Variants in DOCK3 observed in about 807,000 individuals in gnomAD.
The protein encoded by DOCK3 is dedicator of cytokinesis 3.
A neutral mutation model predicts 265.6 loss-of-function variants in DOCK3; 60 were observed. That is an observed-to-expected ratio of 0.23 (90% confidence interval 0.18 to 0.28). The LOEUF is 0.28. Among genes scored for constraint, DOCK3 ranks in the 10% least tolerant of loss-of-function variants. The probability of loss-of-function intolerance (pLI) is 1.00; values close to 1 mark genes in which losing one functional copy is unlikely to be tolerated. For missense variants in DOCK3, 1,981 were observed against 2,594.3 expected (o/e 0.76, Z 5.14); for synonymous variants, 881 against 938.0 (o/e 0.94, Z 1.11).
At chr3:51,243,000 C>T (rs1449124627) in intron 21 of DOCK3, among the ~76,000 whole-genome samples, 1 of 152,118 alleles carries the variant, frequency 6.6e-6, no homozygotes, top group African/African-American at 2.4e-5. Context: ...CATGGGGCCC[C>T]CAGGTCACCT....
At chr3:50,716,812 T>C (rs976459648) in intron 1 of DOCK3, among the ~76,000 whole-genome samples, 1 of 152,110 alleles carries the variant, frequency 6.6e-6, no homozygotes, top group African/African-American at 2.4e-5. Context: ...TTTGCATAAC[T>C]AATAGAGGCT....
chr3:51,004,454 C>G (rs768371682), intron 5 of DOCK3, among the ~76,000 whole-genome samples: 4 of 152,014 alleles, frequency 2.6e-5, no homozygotes, highest in Non-Finnish European at 4.4e-5. Flanking sequence ...TTTCCAGGCT[C>G]TAAGTTGTAG....
intron 1 of DOCK3, among the ~76,000 whole-genome samples, chr3:50,741,953 T>A (rs2039065902): frequency 6.6e-6 from 1 of 152,220 alleles, no homozygotes; most frequent in Non-Finnish European, 1.5e-5. Flanking sequence ...CCTGACTTTT[T>A]AATGATTGCC....
At chr3:51,105,899 T>A (rs1433452716) in intron 9 of DOCK3, among the ~76,000 whole-genome samples, 1 of 151,960 alleles carries the variant, frequency 6.6e-6, no homozygotes, top group Non-Finnish European at 1.5e-5. Context: ...AGGGGGTGAG[T>A]TGAACAGACA....
At chr3:51,007,666 T>TAAAA in intron 5 of DOCK3, among the ~76,000 whole-genome samples, 1 of 152,286 alleles carries the variant, frequency 6.6e-6, no homozygotes, top group South Asian at 2.1e-4. Flanking sequence ...TGCCATTGCT[T>TAAAA]TTGGTGTTTT....
At chr3:51,249,256 C>T (rs1487992782) in intron 22 of DOCK3, among the ~76,000 whole-genome samples, 1 of 138,718 alleles carries the variant, frequency 7.2e-6, no homozygotes. Flanking sequence ...AGGGGCGCCT[C>T]TGCCCGGCCG....
chr3:51,260,800 G>A (rs2079808220), intron 23 of DOCK3, among the ~76,000 whole-genome samples: 2 of 152,068 alleles, frequency 1.3e-5, no homozygotes, highest in South Asian at 2.1e-4. Context: ...TGGGCAACAT[G>A]ATGAAACCCC....
At chr3:51,346,374 G>A (rs1276729742) in intron 38 of DOCK3, among the ~76,000 whole-genome samples, 1 of 150,800 alleles carries the variant, frequency 6.6e-6, no homozygotes, top group Non-Finnish European at 1.5e-5. Context: ...CCACCTATGA[G>A]TGAGAACATG....
In DOCK3 at chr3:51,361,740, A is replaced by G; in HGVS notation, c.5007-119A>G. 7.3e-7 allele frequency: 1 copy of G among 1,360,940 alleles called. No individual in the cohort carries two copies. Among genetic ancestry groups the G allele is most frequent in the Non-Finnish European group, 9.9e-7 (1 of 1,005,346 alleles). The allele number at this position is 1,360,940 out of a possible 1,614,324, so 84.3% of individuals were successfully genotyped here. A position where few individuals can be genotyped will look rare whatever the true frequency, so the allele number is the denominator to read the frequency against. On this transcript the variant is annotated intron_variant, in intron 47 of 52. Transcript: ENST00000266037. This position sits in a 1 kb window ranked among gnomAD's most constrained non-coding sequence, Gnocchi z 4.2. Reference sequence around the variant, plus strand: ...AGATGGGTATGAGCATTGACTATGGAACCCTCCAAACCGGTGGTAGCTGAA... The same window carrying G: ...AGATGGGTATGAGCATTGACTATGGGACCCTCCAAACCGGTGGTAGCTGAA...
At chr3:51,076,864 C>T (rs1311387268) in intron 7 of DOCK3, among the ~76,000 whole-genome samples, 2 of 152,154 alleles carry the variant, frequency 1.3e-5, no homozygotes. Flanking sequence ...AACTATAAGA[C>T]ATTTCATAAC....
chr3:51,263,236 A>G (rs922899596), intron 23 of DOCK3, among the ~76,000 whole-genome samples: 3 of 152,258 alleles, frequency 2.0e-5, no homozygotes, highest in South Asian at 2.1e-4. Context: ...CAGAAACCCT[A>G]CAAACCAGAA....
intron 5 of DOCK3, among the ~76,000 whole-genome samples, chr3:51,044,002 A>G (rs1476798152): frequency 6.6e-6 from 1 of 152,128 alleles, no homozygotes; most frequent in Non-Finnish European, 1.5e-5. Context: ...TTCAGCTACT[A>G]TGGAAGACAG....
intron 14 of DOCK3, among the ~76,000 whole-genome samples, chr3:51,225,006 G>T (rs2090265279): frequency 6.6e-6 from 1 of 152,058 alleles, no homozygotes; most frequent in Admixed American, 6.6e-5. Flanking sequence ...ACAGGTTGTT[G>T]CCTCATTGCC....
intron 15 of DOCK3, among the ~76,000 whole-genome samples, chr3:51,226,717 T>G (rs1466709255): frequency 8.5e-5 from 13 of 152,214 alleles, no homozygotes. Flanking sequence ...AGCTTCCTGT[T>G]GTCCAGACAA....
chr3:51,199,524 A>G (rs754416490), intron 12 of DOCK3, among the ~76,000 whole-genome samples: 50 of 152,242 alleles, frequency 3.3e-4, no homozygotes, highest in Admixed American at 1.0e-3. Context: ...GTAAGTAAAC[A>G]AAGCAGCCAG....
intron 8 of DOCK3, among the ~76,000 whole-genome samples, chr3:51,089,898 CAAAAAAA>C (rs1166631932): frequency 0.012 from 515 of 42,290 alleles, 2 homozygotes; most frequent in Admixed American, 0.022. Context: ...GACTCTGTCT[CAAAAAAA>C]AAAAAAAAAA....
At chr3:51,127,894 A>G (rs1446726975) in intron 9 of DOCK3, among the ~76,000 whole-genome samples, 2 of 152,166 alleles carry the variant, frequency 1.3e-5, no homozygotes, top group Non-Finnish European at 2.9e-5. Context: ...AGGGCATGGT[A>G]ATACTAAGAG....
chr3:51,082,522 T>C (rs1199106044), intron 7 of DOCK3, among the ~76,000 whole-genome samples: 2 of 152,188 alleles, frequency 1.3e-5, no homozygotes, highest in Non-Finnish European at 2.9e-5. Flanking sequence ...GAGAGCTGCA[T>C]GTCTGGGGCT....
chr3:50,873,752 GGCTGGTTTAAAT>G (rs554242811), intron 3 of DOCK3, among the ~76,000 whole-genome samples: 1 of 152,070 alleles, frequency 6.6e-6, no homozygotes, highest in Non-Finnish European at 1.5e-5. Context: ...CTCTGCCTAG[GGCTGGTTTAAAT>G]GCTTTCTTCA....
Sources: allele counts gnomAD v4.1 joint callset (sites outside exome capture counted in the v4.1 genomes callset), GRCh38; gene constraint gnomAD v4.1.1; non-coding constraint Gnocchi (gnomAD v3.1); transcripts MANE v1.5; gene names NCBI Gene and HGNC (gene_info 2026-07-23, HGNC 2026-07-21).